The following RCAN2 variants were observed in gnomAD, a reference collection of about 807,000 sequenced individuals.
RCAN2 encodes calcipressin-2.
In RCAN2, 9 loss-of-function variants were observed where a neutral mutation model predicts 23.6. That is an observed-to-expected ratio of 0.38 (90% CI 0.23 to 0.67). RCAN2 has a LOEUF of 0.67. RCAN2 is among the 30% of genes least tolerant of loss of function. RCAN2 has a pLI of 0.51. For synonymous variants in RCAN2, 109 were observed against 115.7 expected (o/e 0.94, Z 0.37); for missense variants, 273 against 302.3 (o/e 0.90, Z 0.72).
rs576623129 is a variant in RCAN2, at chr6:46,367,996, G to A, written c.225+88756C>T. 3.9e-4 allele frequency among the ~76,000 whole-genome samples: 60 copies of A among 152,212 alleles called. No individual in the cohort carries two copies. The East Asian group carries it at 9.9e-3, about 25-fold the overall frequency. Reference sequence around the variant, plus strand: ...TATAATGGCCAGCTATATCATTTAGGAGCTGTTTAGCTTCCAGTCTAGAGC... The same window carrying A: ...TATAATGGCCAGCTATATCATTTAGAAGCTGTTTAGCTTCCAGTCTAGAGC... On this transcript the variant is annotated intron_variant, in intron 2 of 4. Coordinates refer to ENST00000371374, the MANE Select transcript of RCAN2 (RefSeq NM_001251974.2).
In RCAN2 at chr6:46,373,829, C is replaced by A. The variant is rs149946424; in HGVS notation, c.225+82923G>T. Among the ~76,000 whole-genome samples the A allele has an allele frequency of 4.7e-3, 715 of 152,264 alleles. 4 individuals carry two copies. The highest frequency in any genetic ancestry group is 0.016 in the African/African-American group (655 of 41,540). On this transcript the variant is annotated intron_variant, in intron 2 of 4. Transcript: ENST00000371374. ...TCTCTCTCTTTCTCCACCACCCCTA[C>A]TCCTATCTCCCACTCCCTTCCCCTT...
At chr6:46,454,449 C>T (rs1265006942) in intron 2 of RCAN2, among the ~76,000 whole-genome samples, 2 of 151,828 alleles carry the variant, frequency 1.3e-5, no homozygotes, top group Admixed American at 1.3e-4. Context: ...GTTTTGTCAC[C>T]TTAAACTATA....
At position 46,276,928 on chromosome 6, in the gene RCAN2, T is replaced by C. The variant is rs74716836; in HGVS notation, c.226-28032A>G. Among the ~76,000 whole-genome samples, 306 of 152,340 alleles carry C rather than the reference T, an allele frequency of 2.0e-3. 3 individuals are homozygous for C. The highest frequency in any genetic ancestry group is 7.2e-3 in the African/African-American group (300 of 41,578). ...GCAGCCTCCAAACAGATGCCTGGGT[T>C]GACTTCCCCTGAAACTAGGTGTGAG... On this transcript the variant is annotated intron_variant, in intron 2 of 4. Transcript: ENST00000371374.
chr6:46,441,942 C>T (rs1767558756), intron 2 of RCAN2, among the ~76,000 whole-genome samples: 2 of 152,158 alleles, frequency 1.3e-5, no homozygotes, highest in Non-Finnish European at 2.9e-5. Context: ...GCACTCAGCC[C>T]ATCTATATCA....
chr6:46,276,116 G>A (rs146379960), intron 2 of RCAN2, among the ~76,000 whole-genome samples: 279 of 152,296 alleles, frequency 1.8e-3, no homozygotes, highest in African/African-American at 6.3e-3. Flanking sequence ...TGAAGCAGAA[G>A]AATCACTTGA....
At chr6:46,427,729 G>A (rs1767071977) in intron 2 of RCAN2, among the ~76,000 whole-genome samples, 1 of 152,134 alleles carries the variant, frequency 6.6e-6, no homozygotes, top group South Asian at 2.1e-4. Flanking sequence ...ACCATCAGAG[G>A]GCTTTGCATT....
intron 4 of RCAN2, among the ~76,000 whole-genome samples, chr6:46,245,291 G>A (rs142573235): frequency 6.2e-4 from 94 of 152,328 alleles, no homozygotes; most frequent in African/African-American, 2.2e-3. Flanking sequence ...GCTCTTGAAA[G>A]TTCTATAATT....
chr6:46,290,012 C>A (rs1269578318), intron 2 of RCAN2, among the ~76,000 whole-genome samples: 2 of 152,188 alleles, frequency 1.3e-5, no homozygotes. Flanking sequence ...AAGCAGCCAA[C>A]TTGGACCCGC....
chr6:46,225,015 G>T (rs1156467803), intron 4 of RCAN2, among the ~76,000 whole-genome samples: 2 of 146,972 alleles, frequency 1.4e-5, no homozygotes, highest in Non-Finnish European at 3.0e-5. Flanking sequence ...TCCCACCTAT[G>T]AGTGAGAATA....
intron 2 of RCAN2, among the ~76,000 whole-genome samples, chr6:46,329,418 C>T (rs1016934715): frequency 1.3e-5 from 2 of 152,180 alleles, no homozygotes; most frequent in East Asian, 1.9e-4. Flanking sequence ...CTTGTCCTCA[C>T]AACTAGAATT....
chr6:46,281,605 T>A (rs919593168), intron 2 of RCAN2, among the ~76,000 whole-genome samples: 1 of 152,214 alleles, frequency 6.6e-6, no homozygotes, highest in African/African-American at 2.4e-5. Flanking sequence ...AATTAGCCTA[T>A]AGAAAATGGG....
chr6:46,393,600 C>A (rs1765998309), intron 2 of RCAN2, among the ~76,000 whole-genome samples: 1 of 152,122 alleles, frequency 6.6e-6, no homozygotes. Context: ...TTGTACCCTG[C>A]CCCCTATTAC....
intron 2 of RCAN2, among the ~76,000 whole-genome samples, chr6:46,280,542 C>A (rs1417268714): frequency 6.6e-6 from 1 of 152,066 alleles, no homozygotes; most frequent in African/African-American, 2.4e-5. Flanking sequence ...GAGTACATAG[C>A]AGGCACCTCC....
intron 2 of RCAN2, among the ~76,000 whole-genome samples, chr6:46,414,976 G>C (rs960266180): frequency 1.3e-5 from 2 of 152,154 alleles, no homozygotes; most frequent in Admixed American, 6.5e-5. Context: ...CTCTAATGTG[G>C]TTGGATTGTA....
At chr6:46,419,017 A>C (rs2150411288) in intron 2 of RCAN2, among the ~76,000 whole-genome samples, 1 of 152,104 alleles carries the variant, frequency 6.6e-6, no homozygotes, top group South Asian at 2.1e-4. Flanking sequence ...GATAGCAAAA[A>C]AAAGCCCAAA....
intron 4 of RCAN2, among the ~76,000 whole-genome samples, chr6:46,243,260 C>A (rs1469966952): frequency 6.6e-6 from 1 of 152,116 alleles, no homozygotes; most frequent in Non-Finnish European, 1.5e-5. Context: ...GCTGAGGAAG[C>A]TTCAAGGACA....
chr6:46,254,503 G>A (rs1766839710), intron 2 of RCAN2, among the ~76,000 whole-genome samples: 1 of 152,168 alleles, frequency 6.6e-6, no homozygotes, highest in Non-Finnish European at 1.5e-5. Context: ...GAACAGATGT[G>A]TAATAGATTA....
chr6:46,265,101 T>C (rs1355623045), intron 2 of RCAN2, among the ~76,000 whole-genome samples: 1 of 152,128 alleles, frequency 6.6e-6, no homozygotes, highest in African/African-American at 2.4e-5. Context: ...GTTTTTCTCA[T>C]GCATATCTCA....
intron 2 of RCAN2, among the ~76,000 whole-genome samples, chr6:46,299,977 C>T (rs897234343): frequency 6.6e-5 from 10 of 151,312 alleles, no homozygotes; most frequent in South Asian, 2.1e-4. Flanking sequence ...ATGATATACA[C>T]GAAGATAAAG....
Sources: gnomAD v4.1 joint callset for allele counts (sites outside exome capture counted in the v4.1 genomes callset) on GRCh38, gnomAD v4.1.1 for gene constraint, MANE v1.5 for transcripts, NCBI Gene and HGNC (gene_info 2026-07-23, HGNC 2026-07-21) for gene names.